MOB4: variants seen among roughly 807,000 people sequenced by gnomAD.
The protein encoded by MOB4 is MOB family member 4, phocein.
In MOB4, 4 loss-of-function variants were observed where a neutral mutation model predicts 32.2. That is an observed-to-expected ratio of 0.12 (90% CI 0.06 to 0.28). MOB4 has a LOEUF of 0.28. Ranked by LOEUF, MOB4 falls within the 10% of genes least tolerant of loss-of-function variation. The pLI, the probability that MOB4 is intolerant of heterozygous loss-of-function variation, is 1.00. For missense variants in MOB4, 158 were observed against 271.2 expected (o/e 0.58, Z 2.93); for synonymous variants, 88 against 88.1 (o/e 1.00, Z 0.01).
At chr2:197,537,320 T>G (rs2086817470) in intron 3 of MOB4, among the ~76,000 whole-genome samples, 1 of 152,194 alleles carries the variant, frequency 6.6e-6, no homozygotes, top group African/African-American at 2.4e-5. Context: ...GGAGCTGGGA[T>G]GAGTTGACAG....
Position 197,540,134 on chromosome 2 carries a change from G to A in MOB4, c.248G>A (p.Gly83Glu), listed in dbSNP as rs199919631. The A allele has an allele frequency of 6.2e-7, 1 of 1,602,874 alleles. No homozygotes were observed. The highest frequency in any genetic ancestry group is 1.1e-5 in the South Asian group (1 of 88,496). ...HLRQFCLELN[G>E]LAVKLQSECH... ...AGGCAGTTCTGCCTTGAGCTAAATG[G>A]ACTTGCTGTCAAACTTCAGGTAATA... The change falls in exon 4 of 8, where the codon GGA (glycine) becomes GAA (glutamate). Residue 83 changes from glycine to glutamate, a missense_variant. This residue lies in a region of MOB4 where 21 missense variants were observed against 19.8 expected (regional missense o/e 1.06). Transcript: ENST00000323303.
intron 2 of MOB4, among the ~76,000 whole-genome samples, chr2:197,528,953 C>G (rs941556835): frequency 1.3e-5 from 2 of 151,366 alleles, no homozygotes; most frequent in African/African-American, 4.9e-5. Context: ...GTCTGAAGAA[C>G]TTCCTTTAGT....
At chr2:197,531,500 A>C (rs1034733529) in intron 2 of MOB4, among the ~76,000 whole-genome samples, 1 of 151,822 alleles carries the variant, frequency 6.6e-6, no homozygotes, top group African/African-American at 2.4e-5. Context: ...TTCTCAGCCT[A>C]CTCAGCTTCT....
intron 2 of MOB4, among the ~76,000 whole-genome samples, chr2:197,527,229 T>A (rs996583652): frequency 2.6e-5 from 4 of 152,212 alleles, no homozygotes; most frequent in African/African-American, 7.2e-5. Flanking sequence ...TCTAGATTGC[T>A]TTAGGTAGCA....
At chr2:197,520,573 C>G (rs1406148567) in intron 1 of MOB4, among the ~76,000 whole-genome samples, 4 of 152,120 alleles carry the variant, frequency 2.6e-5, no homozygotes, top group Admixed American at 2.6e-4. Context: ...TACCTCCTCC[C>G]CACCAAGTTT....
intron 3 of MOB4, among the ~76,000 whole-genome samples, chr2:197,538,388 AG>A (rs764920541): frequency 2.6e-4 from 38 of 146,494 alleles, no homozygotes; most frequent in Non-Finnish European, 4.3e-4. Context: ...GACCAGGAAG[AG>A]GTTTTTTTTT....
intron 1 of MOB4, 39 bp downstream of exon 1, chr2:197,516,185 C>T (rs1360559436): frequency 1.9e-6 from 3 of 1,570,568 alleles, no homozygotes; most frequent in Non-Finnish European, 2.6e-6. Flanking sequence ...CAACTAGGTG[C>T]CGAGCAGTGC....
intron 5 of MOB4, among the ~76,000 whole-genome samples, chr2:197,542,116 T>G (rs186369597): frequency 5.3e-5 from 8 of 152,336 alleles, no homozygotes; most frequent in Admixed American, 5.2e-4. Flanking sequence ...TGATGTATTA[T>G]TCTTTCTTTA....
At chr2:197,543,736 TTTTTC>T (rs1204620798) in intron 5 of MOB4, among the ~76,000 whole-genome samples, 2 of 151,936 alleles carry the variant, frequency 1.3e-5, no homozygotes, top group Admixed American at 1.3e-4. Flanking sequence ...GTAATAGACT[TTTTTC>T]TTTTCTTTTC....
intron 1 of MOB4, among the ~76,000 whole-genome samples, chr2:197,523,351 G>A (rs941929389): frequency 6.6e-6 from 1 of 152,202 alleles, no homozygotes; most frequent in Non-Finnish European, 1.5e-5. Flanking sequence ...GGGTGGCTAA[G>A]GTGAGAGGCT....
At chr2:197,550,022 A>G (rs780668503) in intron 6 of MOB4, among the ~76,000 whole-genome samples, 1 of 152,316 alleles carries the variant, frequency 6.6e-6, no homozygotes, top group East Asian at 1.9e-4. Flanking sequence ...GATTTATTCT[A>G]ACTGCATTAA....
intron 5 of MOB4, among the ~76,000 whole-genome samples, chr2:197,541,955 A>C (rs1360689610): frequency 6.6e-6 from 1 of 152,198 alleles, no homozygotes; most frequent in Non-Finnish European, 1.5e-5. Flanking sequence ...AAAAGATTGT[A>C]TCTGTCTACA....
chr2:197,531,611 G>A (rs896581681), intron 2 of MOB4, among the ~76,000 whole-genome samples: 4 of 152,006 alleles, frequency 2.6e-5, no homozygotes, highest in Non-Finnish European at 2.9e-5. Flanking sequence ...TGTCGCCCAG[G>A]CTGGAGTGCA....
chr2:197,521,647 C>G (rs1363479173), intron 1 of MOB4, among the ~76,000 whole-genome samples: 2 of 152,172 alleles, frequency 1.3e-5, no homozygotes, highest in African/African-American at 4.8e-5. Flanking sequence ...ATAGACCCAC[C>G]CCCAGGCGTG....
At chr2:197,541,529 A>G (rs1451542676) in intron 5 of MOB4, among the ~76,000 whole-genome samples, 3 of 152,226 alleles carry the variant, frequency 2.0e-5, no homozygotes, top group Admixed American at 6.5e-5. Context: ...CTCCAAAATA[A>G]GGAGTATTTG....
chr2:197,523,831 C>A, intron 2 of MOB4, 145 bp downstream of exon 2: 1 of 646,014 alleles, frequency 1.5e-6, no homozygotes, highest in South Asian at 3.0e-5. Flanking sequence ...CAAAATAGTT[C>A]CTTTTACAAC....
chr2:197,521,370 G>T (rs1471173677), intron 1 of MOB4, among the ~76,000 whole-genome samples: 2 of 152,154 alleles, frequency 1.3e-5, no homozygotes, highest in East Asian at 3.8e-4. Flanking sequence ...CAAGGTAATA[G>T]AATATCACAA....
chr2:197,532,716 T>C (rs865874993), intron 2 of MOB4, among the ~76,000 whole-genome samples: 4 of 151,290 alleles, frequency 2.6e-5, no homozygotes, highest in Admixed American at 6.6e-5. Context: ...AAAGTCTCTG[T>C]GTTCAGGGAC....
chr2:197,523,891 CTT>C (rs2086563873), intron 2 of MOB4, among the ~76,000 whole-genome samples: 1 of 152,210 alleles, frequency 6.6e-6, no homozygotes, highest in Admixed American at 6.5e-5. Flanking sequence ...ATTCTTATAT[CTT>C]TTCGCATAGA....
Sources: allele counts gnomAD v4.1 joint callset (sites outside exome capture counted in the v4.1 genomes callset), GRCh38; gene constraint gnomAD v4.1.1; regional missense constraint gnomAD v4.1.1; transcripts MANE v1.5; gene names NCBI Gene and HGNC (gene_info 2026-07-23, HGNC 2026-07-21).